OSBPL6: variants seen among roughly 807,000 people sequenced by gnomAD.
The protein encoded by OSBPL6 is oxysterol-binding protein-related protein 6.
Under a neutral mutation model 125.8 loss-of-function variants are expected in OSBPL6, and 49 were observed. That is an observed-to-expected ratio of 0.39 (90% CI 0.31 to 0.49). The LOEUF (loss-of-function observed/expected upper bound fraction) is 0.49. Among genes scored for constraint, OSBPL6 ranks in the 20% least tolerant of loss-of-function variants. The pLI is 0.88. For missense variants in OSBPL6, 986 were observed against 1,135.4 expected, an observed-to-expected ratio of 0.87 and a Z score of 1.89; for synonymous variants, 394 against 391.8, an observed-to-expected ratio of 1.01 and a Z score of -0.07.
chr2:178,394,971 T>A lies in OSBPL6; in HGVS notation c.2697-480T>A, dbSNP rs537085407. ...CAGGACAAAAAGCTCAGGGTAACCT[T>A]ATCTCCTTTAGACTTGTCCTGTCAT... On this transcript the variant is annotated intron_variant, in intron 24 of 24. Coordinates refer to ENST00000190611, the MANE Select transcript of OSBPL6 (RefSeq NM_032523.4). 2.6e-5 allele frequency among the ~76,000 whole-genome samples: 4 copies of A among 152,308 alleles called. No homozygotes were observed. In the South Asian group the frequency reaches 8.3e-4, roughly 32 times the overall value.
At chr2:178,285,839 C>T (rs74795700) in intron 2 of OSBPL6, among the ~76,000 whole-genome samples, 2,028 of 152,312 alleles carry the variant, frequency 0.013, 31 homozygotes, top group East Asian at 0.067. Flanking sequence ...ACATCCTCTG[C>T]TCAAACCTTA....
At chr2:178,395,356 T>C (rs1695766529) in intron 24 of OSBPL6, 95 bp from the exon 25 acceptor site, 1 of 796,780 alleles carries the variant, frequency 1.3e-6, no homozygotes, top group South Asian at 1.7e-5. Context: ...TTACAAACAC[T>C]GCTTATATGT....
rs1574998925 is a variant in OSBPL6 at position 178,372,182 on chromosome 2, T to C, written c.1344T>C (p.Ser448=). Residue 448 remains serine (S), a synonymous_variant, in exon 14 of 25, where the codon TCT becomes TCC. Coordinates refer to ENST00000190611, the MANE Select transcript of OSBPL6 (RefSeq NM_032523.4). ...RSRLNRIHSE[S]IICDQVVSVN... ...GGTTGAACAGAATACATTCAGAGTCTATTATTTGTGATCAGGTTGTCAGTG... is the reference window on the plus strand; with the variant it reads ...GGTTGAACAGAATACATTCAGAGTCCATTATTTGTGATCAGGTTGTCAGTG... 2 of 1,613,376 alleles carry C rather than the reference T, an allele frequency of 1.2e-6. No individual in the cohort carries two copies. Among genetic ancestry groups the C allele is most frequent in the Non-Finnish European group, 1.7e-6 (2 of 1,179,526 alleles).
chr2:178,296,862 T>A (rs530727086), intron 2 of OSBPL6, among the ~76,000 whole-genome samples: 33 of 152,218 alleles, frequency 2.2e-4, no homozygotes, highest in Admixed American at 6.5e-4. Flanking sequence ...CCAACACTCA[T>A]GCTCGAATGC....
At chr2:178,229,644 A>G (rs1295617120) in intron 1 of OSBPL6, among the ~76,000 whole-genome samples, 3 of 152,186 alleles carry the variant, frequency 2.0e-5, no homozygotes, top group East Asian at 3.9e-4. Flanking sequence ...GGCCCCGGCA[A>G]CATGGCGAAA....
At chr2:178,386,981 G>T (rs1047580823) in intron 19 of OSBPL6, 80 bp from the exon 20 acceptor site, 8 of 849,398 alleles carry the variant, frequency 9.4e-6, no homozygotes, top group Non-Finnish European at 1.5e-5. Context: ...TTCATAAAGT[G>T]TAATACAAAA....
At chr2:178,387,701 A>T (rs1399722252) in intron 20 of OSBPL6, among the ~76,000 whole-genome samples, 1 of 152,176 alleles carries the variant, frequency 6.6e-6, no homozygotes, top group African/African-American at 2.4e-5. Context: ...CACAAAATAA[A>T]CTTTGAATAT....
intron 2 of OSBPL6, among the ~76,000 whole-genome samples, chr2:178,295,634 T>TA (rs1243196007): frequency 6.6e-6 from 1 of 152,176 alleles, no homozygotes; most frequent in East Asian, 1.9e-4. Context: ...TGGAATCTGA[T>TA]ACACTTTGCA....
chr2:178,385,077 GCC>G (rs1302608727), intron 18 of OSBPL6, among the ~76,000 whole-genome samples: 1 of 152,090 alleles, frequency 6.6e-6, no homozygotes, highest in Non-Finnish European at 1.5e-5. Context: ...ACACACTGGG[GCC>G]TGTTGGGGGG....
chr2:178,226,214 A>G (rs543331254), intron 1 of OSBPL6, among the ~76,000 whole-genome samples: 62 of 152,266 alleles, frequency 4.1e-4, no homozygotes, highest in African/African-American at 1.3e-3. Context: ...TCTGGCTCTC[A>G]CTTTCTTGCT....
chr2:178,366,666 G>A (rs1692863924), intron 13 of OSBPL6, among the ~76,000 whole-genome samples: 1 of 152,178 alleles, frequency 6.6e-6, no homozygotes, highest in South Asian at 2.1e-4. Flanking sequence ...GTAGCATAAT[G>A]TAAAATCCAA....
intron 13 of OSBPL6, among the ~76,000 whole-genome samples, chr2:178,367,675 A>C (rs945262425): frequency 9.9e-5 from 15 of 152,228 alleles, no homozygotes; most frequent in Admixed American, 9.2e-4. Context: ...AACTTCTTTT[A>C]CGCATTGGAA....
At chr2:178,215,568 G>A (rs943324011) in intron 1 of OSBPL6, among the ~76,000 whole-genome samples, 1 of 152,116 alleles carries the variant, frequency 6.6e-6, no homozygotes, top group South Asian at 2.1e-4. Flanking sequence ...GAGAGACCTA[G>A]TTTGATGCCA....
intron 4 of OSBPL6, among the ~76,000 whole-genome samples, chr2:178,328,017 G>A (rs1322629972): frequency 6.6e-6 from 1 of 152,138 alleles, no homozygotes; most frequent in Non-Finnish European, 1.5e-5. Flanking sequence ...CAGACAAGGT[G>A]GCTCCACTGA....
At chr2:178,262,341 A>T (rs2092090761) in intron 1 of OSBPL6, among the ~76,000 whole-genome samples, 1 of 152,192 alleles carries the variant, frequency 6.6e-6, no homozygotes, top group Non-Finnish European at 1.5e-5. Flanking sequence ...TAATGTGTGA[A>T]ATAATTGTTT....
intron 1 of OSBPL6, among the ~76,000 whole-genome samples, chr2:178,229,764 A>G (rs1321401953): frequency 6.6e-6 from 1 of 152,218 alleles, no homozygotes; most frequent in Non-Finnish European, 1.5e-5. Flanking sequence ...CAGGAGGTCC[A>G]GGCTGCAGTA....
intron 3 of OSBPL6, chr2:178,320,507 T>A: frequency 8.4e-7 from 1 of 1,191,388 alleles, no homozygotes; most frequent in South Asian, 1.4e-5. Context: ...TTTAGAAGAA[T>A]AATTAACTGG....
chr2:178,320,855 A>G (rs1688175690), intron 3 of OSBPL6, among the ~76,000 whole-genome samples: 1 of 152,222 alleles, frequency 6.6e-6, no homozygotes, highest in African/African-American at 2.4e-5. Flanking sequence ...CTATTGGAGC[A>G]TGATTTTTAT....
intron 1 of OSBPL6, among the ~76,000 whole-genome samples, chr2:178,274,972 A>T (rs533304165): frequency 6.6e-6 from 1 of 151,846 alleles, no homozygotes; most frequent in Non-Finnish European, 1.5e-5. Flanking sequence ...TCTGAAGCGC[A>T]CTCCTAGGTC....
Sources: gnomAD v4.1 joint callset for allele counts (sites outside exome capture counted in the v4.1 genomes callset) on GRCh38, gnomAD v4.1.1 for gene constraint, MANE v1.5 for transcripts, NCBI Gene and HGNC (gene_info 2026-07-23, HGNC 2026-07-21) for gene names.